Variants in MALRD1 observed in about 807,000 individuals in gnomAD.
MALRD1 encodes MAM and LDL-receptor class A domain-containing protein 1.
In MALRD1, 247 loss-of-function variants were observed where a neutral mutation model predicts 242.1. That is an observed-to-expected ratio of 1.02 (90% CI 0.92 to 1.13). MALRD1 has a LOEUF of 1.13. Among genes scored for constraint, MALRD1 ranks in the 50% most tolerant of loss-of-function variants. The pLI, the probability that MALRD1 is intolerant of heterozygous loss-of-function variation, is 0.00. For synonymous variants in MALRD1, 995 were observed against 866.6 expected (o/e 1.15, Z -2.60); for missense variants, 2,989 against 2,533.1 (o/e 1.18, Z -3.86).
At chr10:19,277,789 CT>C (rs1319977172) in intron 19 of MALRD1, among the ~76,000 whole-genome samples, 1 of 152,206 alleles carries the variant, frequency 6.6e-6, no homozygotes, top group Non-Finnish European at 1.5e-5. Context: ...AGTTATTGGA[CT>C]TTCCCCAGAT....
At chr10:19,400,447 G>T (rs566070369) in intron 28 of MALRD1, among the ~76,000 whole-genome samples, 1 of 152,210 alleles carries the variant, frequency 6.6e-6, no homozygotes, top group East Asian at 1.9e-4. Flanking sequence ...CTGTTCTCCA[G>T]CGACAAGGGA....
chr10:19,170,443 T>G (rs1834874609), intron 13 of MALRD1, among the ~76,000 whole-genome samples: 1 of 152,216 alleles, frequency 6.6e-6, no homozygotes, highest in Non-Finnish European at 1.5e-5. Context: ...GAAATGAACC[T>G]TTTGTGAAAT....
intron 38 of MALRD1, among the ~76,000 whole-genome samples, chr10:19,717,905 T>C (rs1324820348): frequency 6.6e-6 from 1 of 151,894 alleles, no homozygotes; most frequent in Non-Finnish European, 1.5e-5. Flanking sequence ...TAATTTCAGC[T>C]ACTTGGGAGG....
chr10:19,593,865 G>C (rs772710437), intron 33 of MALRD1, among the ~76,000 whole-genome samples: 15 of 152,128 alleles, frequency 9.9e-5, no homozygotes, highest in Non-Finnish European at 2.2e-4. Context: ...GAGTTGGTTG[G>C]GTTTGAAGCA....
chr10:19,270,334 TCTCA>T (rs1176017662), intron 19 of MALRD1, among the ~76,000 whole-genome samples: 1,034 of 75,682 alleles, frequency 0.014, 10 homozygotes, highest in South Asian at 0.13. Flanking sequence ...TCTCTCTCTC[TCTCA>T]CACACACACA....
At chr10:19,493,839 A>G (rs1837600508) in intron 30 of MALRD1, among the ~76,000 whole-genome samples, 1 of 152,044 alleles carries the variant, frequency 6.6e-6, no homozygotes, top group Non-Finnish European at 1.5e-5. Flanking sequence ...AAAACACGAC[A>G]AAAGTGTATT....
intron 29 of MALRD1, among the ~76,000 whole-genome samples, chr10:19,453,164 T>C (rs1835421503): frequency 6.6e-6 from 1 of 152,182 alleles, no homozygotes; most frequent in African/African-American, 2.4e-5. Flanking sequence ...AACTACCAGG[T>C]CACCACACAA....
chr10:19,219,763 C>T (rs1486265063), intron 18 of MALRD1, among the ~76,000 whole-genome samples: 2 of 152,124 alleles, frequency 1.3e-5, no homozygotes, highest in Non-Finnish European at 2.9e-5. Flanking sequence ...ACATACTTCT[C>T]ATTTTAACTA....
chr10:19,067,388 G>C (rs1590381779), intron 2 of MALRD1, among the ~76,000 whole-genome samples: 2 of 152,196 alleles, frequency 1.3e-5, no homozygotes, highest in South Asian at 4.1e-4. Context: ...TGCGTACCGG[G>C]TGTTTAAGAT....
intron 21 of MALRD1, among the ~76,000 whole-genome samples, chr10:19,315,675 A>T (rs980339080): frequency 2.3e-5 from 3 of 131,846 alleles, no homozygotes; most frequent in African/African-American, 8.6e-5. Flanking sequence ...GACTATAGTT[A>T]TATATTATAT....
intron 18 of MALRD1, among the ~76,000 whole-genome samples, chr10:19,244,821 G>A (rs79581765): frequency 2.2e-4 from 34 of 152,264 alleles, no homozygotes; most frequent in Admixed American, 6.5e-4. Context: ...GACTAATTCT[G>A]TATTTGGTCT....
chr10:19,714,588 T>C (rs1177961234), intron 38 of MALRD1, among the ~76,000 whole-genome samples: 1 of 152,128 alleles, frequency 6.6e-6, no homozygotes, highest in Non-Finnish European at 1.5e-5. Context: ...GTGGGCACAG[T>C]CCTGGGGGTA....
chr10:19,332,096 C>G (rs930394449), intron 24 of MALRD1, among the ~76,000 whole-genome samples: 4 of 151,722 alleles, frequency 2.6e-5, no homozygotes, highest in South Asian at 2.1e-4. Context: ...GATCTCTGGA[C>G]CTCATGATCT....
intron 19 of MALRD1, among the ~76,000 whole-genome samples, chr10:19,273,210 A>G (rs539516153): frequency 8.5e-5 from 13 of 152,328 alleles, no homozygotes; most frequent in African/African-American, 2.9e-4. Context: ...CATAATTTCC[A>G]TAATTGGGAA....
intron 31 of MALRD1, among the ~76,000 whole-genome samples, chr10:19,522,769 C>CA (rs1322457065): frequency 1.3e-5 from 2 of 152,102 alleles, no homozygotes; most frequent in African/African-American, 2.4e-5. Flanking sequence ...CCCAAAGTCA[C>CA]AAAGCTTATA....
chr10:19,493,510 G>C (rs1837579085), intron 30 of MALRD1, among the ~76,000 whole-genome samples: 2 of 151,850 alleles, frequency 1.3e-5, no homozygotes, highest in African/African-American at 4.8e-5. Flanking sequence ...GTTATTTCTA[G>C]CTTCTTTTAA....
At chr10:19,087,110 A>T (rs889960692) in intron 2 of MALRD1, among the ~76,000 whole-genome samples, 9 of 151,968 alleles carry the variant, frequency 5.9e-5, no homozygotes, top group Non-Finnish European at 1.3e-4. Flanking sequence ...GTTAGAAGTG[A>T]TTTCTTTGAA....
intron 14 of MALRD1, among the ~76,000 whole-genome samples, chr10:19,195,306 G>C (rs1333410349): frequency 6.6e-6 from 1 of 152,106 alleles, no homozygotes. Flanking sequence ...AAATTCCCTA[G>C]GTTTTCCTCA....
At chr10:19,397,912 G>A (rs935095922) in intron 28 of MALRD1, among the ~76,000 whole-genome samples, 3 of 147,996 alleles carry the variant, frequency 2.0e-5, no homozygotes, top group Non-Finnish European at 3.0e-5. Context: ...TAGTGATGCC[G>A]AGCATTTTTT....
Sources: allele counts gnomAD v4.1 joint callset (sites outside exome capture counted in the v4.1 genomes callset), GRCh38; gene constraint gnomAD v4.1.1; transcripts MANE v1.5; gene names NCBI Gene and HGNC (gene_info 2026-07-23, HGNC 2026-07-21).